The following IL18R1 variants were observed in gnomAD, a reference collection of about 807,000 sequenced individuals.
IL18R1 encodes the protein interleukin 18 receptor 1, also known as interleukin-18 receptor 1.
A neutral mutation model predicts 48.5 loss-of-function variants in IL18R1; 40 were observed. The observed-to-expected ratio is 0.82, with a 90% CI of 0.64 to 1.07. IL18R1 has a LOEUF of 1.07. Ranked by LOEUF, IL18R1 falls within the 50% of genes least tolerant of loss-of-function variation. The pLI is 0.00. For synonymous variants in IL18R1, 232 were observed against 225.9 expected (o/e 1.03, Z -0.24); for missense variants, 596 against 633.7 (o/e 0.94, Z 0.64).
chr2:102,384,431 A>C (rs1680105231), intron 6 of IL18R1, among the ~76,000 whole-genome samples: 2 of 152,200 alleles, frequency 1.3e-5, no homozygotes, highest in Admixed American at 1.3e-4. Flanking sequence ...ATGGCCACCT[A>C]TCTTAGCTCA....
chr2:102,359,900 A>C (rs1178843749), intron 1 of IL18R1, among the ~76,000 whole-genome samples: 1 of 152,246 alleles, frequency 6.6e-6, no homozygotes, highest in African/African-American at 2.4e-5. Context: ...TTGCAATAGT[A>C]ACTCATTTAA....
intron 4 of IL18R1, among the ~76,000 whole-genome samples, chr2:102,375,554 G>T (rs750569398): frequency 4.6e-5 from 7 of 152,064 alleles, no homozygotes; most frequent in Non-Finnish European, 8.8e-5. Context: ...TCAAGCAAGG[G>T]TTTTTGAAGT....
chr2:102,372,812 T>C (rs111866411), intron 4 of IL18R1, among the ~76,000 whole-genome samples: 2 of 152,342 alleles, frequency 1.3e-5, no homozygotes, highest in African/African-American at 4.8e-5. Flanking sequence ...GTGAATTGCC[T>C]ATTTTTCACT....
At chr2:102,394,323 G>A in intron 9 of IL18R1, 146 bp from the exon 10 acceptor site, 2 of 513,164 alleles carry the variant, frequency 3.9e-6, no homozygotes, top group East Asian at 3.5e-5. Flanking sequence ...TGCTTGGTTA[G>A]CATGGGAGGT....
chr2:102,390,275 A>G lies in IL18R1; in HGVS notation c.1111+58A>G. ...ATGTTCTCATTAAGAAATCAGATAA[A>G]TAGGCATTAATCTTCATCTTATTGT... On this transcript the variant is annotated intron_variant, in intron 9 of 10. Coordinates refer to ENST00000233957, the MANE Select transcript of IL18R1 (RefSeq NM_003855.5). 2.1e-6 allele frequency: 3 copies of G among 1,433,138 alleles called. No individual in the cohort carries two copies. In the Admixed American group the frequency reaches 5.1e-5, roughly 24 times the overall value. 88.8% of individuals were successfully genotyped at this position (1,433,138 alleles called of 1,614,324 possible).
At chr2:102,365,027 G>T (rs1279169226) in intron 2 of IL18R1, among the ~76,000 whole-genome samples, 4 of 152,076 alleles carry the variant, frequency 2.6e-5, no homozygotes, top group African/African-American at 9.7e-5. Context: ...TTGGGTTGGG[G>T]TATAGCCAAA....
intron 1 of IL18R1, among the ~76,000 whole-genome samples, chr2:102,360,630 T>C (rs1378353357): frequency 6.6e-6 from 1 of 152,228 alleles, no homozygotes; most frequent in Non-Finnish European, 1.5e-5. Context: ...TTATACATGT[T>C]GAGATTATTT....
rs1680897903 is a variant in IL18R1 at position 102,397,759 on chromosome 2, A to G, written c.*873A>G. The G allele has an allele frequency of 1.3e-5, 2 of 152,362 alleles. No individual in the cohort carries two copies. Among genetic ancestry groups the G allele is most frequent in the African/African-American group, 2.4e-5 (1 of 41,452 alleles). 9.4% of individuals were successfully genotyped at this position (152,362 alleles called of 1,614,324 possible). On this transcript the variant is annotated 3_prime_UTR_variant, in exon 11 of 11. Transcript: ENST00000233957. ...ATTACATATTAAAAATGCCCTTGGC[A>G]TAAGGCAGCATGGTGTGGCAGTTAA...
chr2:102,380,415 C>T (rs757547090), intron 5 of IL18R1, among the ~76,000 whole-genome samples: 12 of 152,164 alleles, frequency 7.9e-5, no homozygotes, highest in Non-Finnish European at 1.5e-4. Flanking sequence ...CCCCTCACAC[C>T]GAAATTGCCT....
chr2:102,372,865 G>T (rs1679350715), intron 4 of IL18R1, among the ~76,000 whole-genome samples: 1 of 152,174 alleles, frequency 6.6e-6, no homozygotes, highest in Non-Finnish European at 1.5e-5. Context: ...ACAAATCCTT[G>T]GGTGTTTATA....
intron 1 of IL18R1, among the ~76,000 whole-genome samples, chr2:102,360,749 A>G (rs1301548920): frequency 1.3e-5 from 2 of 152,346 alleles, no homozygotes; most frequent in African/African-American, 4.8e-5. Context: ...AAAAGCAAAA[A>G]TATTGATGTT....
intron 5 of IL18R1, among the ~76,000 whole-genome samples, chr2:102,380,642 C>T (rs1431114334): frequency 1.3e-5 from 2 of 152,176 alleles, no homozygotes; most frequent in Non-Finnish European, 2.9e-5. Flanking sequence ...CATATCTGCC[C>T]ACTGCATTCT....
intron 3 of IL18R1, among the ~76,000 whole-genome samples, 161 bp downstream of exon 3, chr2:102,368,229 A>G (rs1200860545): frequency 6.6e-6 from 1 of 152,178 alleles, no homozygotes; most frequent in African/African-American, 2.4e-5. Flanking sequence ...GAACAGAATA[A>G]GTTTATCTCT....
chr2:102,386,088 G>A (rs1290680007), intron 7 of IL18R1, among the ~76,000 whole-genome samples: 1 of 152,128 alleles, frequency 6.6e-6, no homozygotes, highest in Non-Finnish European at 1.5e-5. Context: ...ATTCCAAAAT[G>A]TACTTGAGGC....
At chr2:102,376,956 T>C (rs2105079286) in intron 5 of IL18R1, among the ~76,000 whole-genome samples, 1 of 152,358 alleles carries the variant, frequency 6.6e-6, no homozygotes, top group South Asian at 2.1e-4. Context: ...TGATTTTGAT[T>C]TGCCTTCAAG....
intron 2 of IL18R1, among the ~76,000 whole-genome samples, chr2:102,363,723 C>T (rs1678723358): frequency 6.6e-6 from 1 of 152,204 alleles, no homozygotes; most frequent in East Asian, 1.9e-4. Context: ...CCCTGAAGAG[C>T]ACTTTTCATG....
chr2:102,363,991 A>T (rs1308156978), intron 2 of IL18R1, among the ~76,000 whole-genome samples: 1 of 152,186 alleles, frequency 6.6e-6, no homozygotes, highest in African/African-American at 2.4e-5. Context: ...ACCATTTCCA[A>T]CAAGCATTAT....
At chr2:102,367,433 A>G (rs1030088158) in intron 2 of IL18R1, among the ~76,000 whole-genome samples, 4 of 151,744 alleles carry the variant, frequency 2.6e-5, no homozygotes, top group Non-Finnish European at 5.9e-5. Context: ...TTCTACTGAG[A>G]CTCCTCAGCA....
intron 8 of IL18R1, among the ~76,000 whole-genome samples, chr2:102,388,397 A>T (rs1030592662): frequency 2.0e-5 from 3 of 152,148 alleles, no homozygotes; most frequent in Non-Finnish European, 2.9e-5. Context: ...AGACCCGATT[A>T]AATCTGGAAT....
Sources: allele counts gnomAD v4.1 joint callset (sites outside exome capture counted in the v4.1 genomes callset), GRCh38; gene constraint gnomAD v4.1.1; transcripts MANE v1.5; gene names NCBI Gene and HGNC (gene_info 2026-07-23, HGNC 2026-07-21).